NRXN3: variants seen among roughly 807,000 people sequenced by gnomAD.
The protein encoded by NRXN3 is neurexin 3.
NRXN3 carries 32 observed loss-of-function variants against 137.6 expected under a neutral mutation model. The observed-to-expected ratio is 0.23, with a 90% CI of 0.18 to 0.31. The LOEUF (loss-of-function observed/expected upper bound fraction) is 0.31, where lower values mean the gene tolerates loss of function less well. NRXN3 is among the 10% of genes least tolerant of loss of function. NRXN3 has a pLI of 1.00. For synonymous variants in NRXN3, 798 were observed against 784.5 expected (o/e 1.02, Z -0.29); for missense variants, 1,574 against 2,062.5 (o/e 0.76, Z 4.59).
intron 15 of NRXN3, among the ~76,000 whole-genome samples, chr14:79,109,558 G>A (rs939556283): frequency 1.3e-5 from 2 of 152,186 alleles, no homozygotes; most frequent in South Asian, 2.1e-4. Flanking sequence ...TTTTTTCCAG[G>A]CTTGTGGGGA....
At chr14:79,699,103 GT>G (rs965402117) in intron 19 of NRXN3, among the ~76,000 whole-genome samples, 2 of 151,722 alleles carry the variant, frequency 1.3e-5, no homozygotes, top group African/African-American at 2.4e-5. Flanking sequence ...CAATTTTATC[GT>G]TTTCAAAAGG....
intron 3 of NRXN3, among the ~76,000 whole-genome samples, chr14:78,279,857 G>A (rs994702100): frequency 4.6e-5 from 7 of 152,108 alleles, no homozygotes; most frequent in African/African-American, 1.4e-4. Flanking sequence ...GTTCTTAAAT[G>A]TCTAAAATAA....
chr14:78,258,781 C>A (rs2070136671), intron 2 of NRXN3, among the ~76,000 whole-genome samples: 1 of 152,082 alleles, frequency 6.6e-6, no homozygotes, highest in Non-Finnish European at 1.5e-5. Flanking sequence ...TGTTTAGTTT[C>A]AAAAACTATT....
intron 15 of NRXN3, among the ~76,000 whole-genome samples, chr14:79,057,109 A>G (rs2099666639): frequency 6.6e-6 from 1 of 152,198 alleles, no homozygotes; most frequent in Non-Finnish European, 1.5e-5. Flanking sequence ...ATCTTTCTCA[A>G]GTGGGTAACC....
Position 78,300,345 on chromosome 14 carries a change from T to C in NRXN3, c.757+2485T>C, listed in dbSNP as rs550902555. Among the ~76,000 whole-genome samples, 10 of 152,384 alleles carry C rather than the reference T, an allele frequency of 6.6e-5. No homozygotes were observed. In the East Asian group the frequency reaches 1.9e-3, roughly 29 times the overall value. On this transcript the variant is annotated intron_variant, in intron 4 of 20. Coordinates refer to ENST00000335750, the MANE Select transcript of NRXN3 (RefSeq NM_001330195.2). ...CATACATGTGGCTGTGCAGTACTTT[T>C]GCATGCAGACTTTGTCATGTTTCTG...
At chr14:78,339,524 T>A (rs1281672648) in intron 4 of NRXN3, among the ~76,000 whole-genome samples, 2 of 152,142 alleles carry the variant, frequency 1.3e-5, no homozygotes, top group Non-Finnish European at 2.9e-5. Flanking sequence ...AGGATTATTC[T>A]AGCCATAAGT....
intron 10 of NRXN3, among the ~76,000 whole-genome samples, chr14:78,917,171 G>A (rs904170674): frequency 6.6e-6 from 1 of 152,120 alleles, no homozygotes; most frequent in African/African-American, 2.4e-5. Context: ...CGATTAACTG[G>A]ATAAGAAGCA....
intron 4 of NRXN3, among the ~76,000 whole-genome samples, chr14:78,482,214 G>T (rs938449624): frequency 2.0e-5 from 3 of 152,140 alleles, no homozygotes; most frequent in African/African-American, 7.2e-5. Flanking sequence ...AACTGATATT[G>T]TTTCCATGTT....
chr14:79,442,817 T>G (rs950315564), intron 15 of NRXN3, among the ~76,000 whole-genome samples: 1 of 152,230 alleles, frequency 6.6e-6, no homozygotes, highest in Admixed American at 6.5e-5. Context: ...TATTTTATCT[T>G]TTGGTAGAAC....
chr14:79,702,897 C>CCA (rs1555644314), intron 19 of NRXN3, among the ~76,000 whole-genome samples: 2 of 150,156 alleles, frequency 1.3e-5, no homozygotes, highest in African/African-American at 2.4e-5. Flanking sequence ...AAGTCTTTTA[C>CCA]CTTATGTCTC....
intron 16 of NRXN3, among the ~76,000 whole-genome samples, chr14:79,473,592 G>T (rs1247325162): frequency 6.6e-6 from 1 of 152,172 alleles, no homozygotes; most frequent in Non-Finnish European, 1.5e-5. Context: ...GAACTTTCCA[G>T]TGGAGTACAG....
intron 15 of NRXN3, among the ~76,000 whole-genome samples, chr14:79,341,544 C>T (rs2092611836): frequency 6.6e-6 from 1 of 152,136 alleles, no homozygotes; most frequent in Admixed American, 6.5e-5. Flanking sequence ...GACTCACAGG[C>T]AGCTTAAAGT....
At chr14:79,513,431 G>A (rs1484869654) in intron 16 of NRXN3, among the ~76,000 whole-genome samples, 1 of 152,178 alleles carries the variant, frequency 6.6e-6, no homozygotes, top group Admixed American at 6.6e-5. Context: ...CTCCCAGGAA[G>A]AGCAATTGTT....
rs61978300 is a variant in NRXN3, at chr14:78,464,255, C to T, written c.757+166395C>T. On this transcript the variant is annotated intron_variant, in intron 4 of 20. Coordinates refer to ENST00000335750, the MANE Select transcript of NRXN3 (RefSeq NM_001330195.2). Reference sequence around the variant, plus strand: ...ATTTTTAGTAGAGACTGGGTTTCACCGTGTTGGCCAGACTGGTCTCAAACT... The same window carrying T: ...ATTTTTAGTAGAGACTGGGTTTCACTGTGTTGGCCAGACTGGTCTCAAACT... 7.9e-3 allele frequency among the ~76,000 whole-genome samples: 1,197 copies of T among 152,162 alleles called. 10 individuals carry two copies. Among genetic ancestry groups the T allele is most frequent in the Middle Eastern group, 0.034 (10 of 294 alleles).
chr14:79,805,160 G>A lies in NRXN3; in HGVS notation c.4063G>A (p.Glu1355Lys). ...ATCTGCTGAATGTTCAAGTGATGAT[G>A]AAGACTTTGTTGAATGTGAGCCGAG... Reference protein sequence around the residue: ...VSSAECSSDDEDFVECEPSTD... With the variant: ...VSSAECSSDDKDFVECEPSTD... The change falls in exon 20 of 21, where the codon GAA (glutamate) becomes AAA (lysine). Residue 1355 changes from glutamate to lysine, a missense_variant. This residue lies in a region of NRXN3 where 320 missense variants were observed against 387.1 expected (regional missense o/e 0.83). Coordinates refer to ENST00000335750, the MANE Select transcript of NRXN3 (RefSeq NM_001330195.2). 1 of 1,613,730 alleles carries A rather than the reference G, an allele frequency of 6.2e-7. No homozygotes were observed. Among genetic ancestry groups the A allele is most frequent in the Non-Finnish European group, 8.5e-7 (1 of 1,179,792 alleles).
intron 15 of NRXN3, among the ~76,000 whole-genome samples, chr14:79,153,871 T>A (rs1354360241): frequency 6.6e-6 from 1 of 151,944 alleles, no homozygotes; most frequent in Non-Finnish European, 1.5e-5. Flanking sequence ...ACAAAATGAC[T>A]GTGAAGCTAA....
intron 10 of NRXN3, among the ~76,000 whole-genome samples, chr14:78,863,367 G>A (rs1421790291): frequency 6.6e-6 from 1 of 152,110 alleles, no homozygotes; most frequent in Non-Finnish European, 1.5e-5. Context: ...AACGTGCTCT[G>A]CAACTCAGTC....
At chr14:78,666,585 T>C (rs1306721463) in intron 6 of NRXN3, among the ~76,000 whole-genome samples, 4 of 152,154 alleles carry the variant, frequency 2.6e-5, no homozygotes, top group African/African-American at 9.7e-5. Context: ...TGATCTTTCT[T>C]TCTCATTCCC....
At chr14:79,433,397 T>C (rs2095794809) in intron 15 of NRXN3, among the ~76,000 whole-genome samples, 1 of 152,140 alleles carries the variant, frequency 6.6e-6, no homozygotes, top group Non-Finnish European at 1.5e-5. Context: ...CCTAAGTGGG[T>C]GTCCAGAGAA....
Sources: allele counts gnomAD v4.1 joint callset (sites outside exome capture counted in the v4.1 genomes callset), GRCh38; gene constraint gnomAD v4.1.1; regional missense constraint gnomAD v4.1.1; transcripts MANE v1.5; gene names NCBI Gene and HGNC (gene_info 2026-07-23, HGNC 2026-07-21).